STMN1: variants seen among roughly 807,000 people sequenced by gnomAD.
STMN1 encodes stathmin 1, also known as stathmin.
Under a neutral mutation model 19.7 loss-of-function variants are expected in STMN1, and 3 were observed. The observed-to-expected ratio is 0.15, with a 90% CI of 0.07 to 0.39. STMN1 has a LOEUF of 0.39. Ranked by LOEUF, STMN1 falls within the 10% of genes least tolerant of loss-of-function variation. The pLI is 1.00. For missense variants in STMN1, 99 were observed against 176.0 expected (o/e 0.56, Z 2.48); for synonymous variants, 59 against 58.9 (o/e 1.00, Z -0.01).
chr1:25,891,513 G>T (rs2048775579), intron 4 of STMN1, among the ~76,000 whole-genome samples: 1 of 152,156 alleles, frequency 6.6e-6, no homozygotes, highest in Admixed American at 6.5e-5. Flanking sequence ...AGTCAGATAT[G>T]CTGGGAGTTT....
chr1:25,899,545 TAAGTA>T (rs1410786574), downstream of STMN1, among the ~76,000 whole-genome samples: 4 of 152,240 alleles, frequency 2.6e-5, no homozygotes, highest in Admixed American at 2.6e-4. Flanking sequence ...ATTGATCATT[TAAGTA>T]AATTTAAAAG....
chr1:25,888,814 T>A (rs1395585108), intron 4 of STMN1, among the ~76,000 whole-genome samples: 1 of 152,154 alleles, frequency 6.6e-6, no homozygotes, highest in Non-Finnish European at 1.5e-5. Context: ...CTGCTGTACT[T>A]CTAGGTATCA....
intron 4 of STMN1, among the ~76,000 whole-genome samples, chr1:25,894,636 C>T (rs987721239): frequency 1.2e-4 from 18 of 152,146 alleles, no homozygotes; most frequent in African/African-American, 4.3e-4. Context: ...GCTGTGTTTG[C>T]ACCACTGCAC....
At chr1:25,890,643 C>T (rs914712938) in intron 4 of STMN1, among the ~76,000 whole-genome samples, 12 of 152,188 alleles carry the variant, frequency 7.9e-5, no homozygotes, top group Non-Finnish European at 1.6e-4. Context: ...CTCGGGGCTG[C>T]TCTCTGGCCA....
chr1:25,893,296 G>A (rs964761622), intron 4 of STMN1, among the ~76,000 whole-genome samples: 2 of 152,168 alleles, frequency 1.3e-5, no homozygotes, highest in Non-Finnish European at 2.9e-5. Context: ...TATGCTGGCA[G>A]CAATCCCCGA....
At chr1:25,887,439 G>T in intron 4 of STMN1, 1 of 379,924 alleles carries the variant, frequency 2.6e-6, no homozygotes, top group Non-Finnish European at 5.2e-6. Context: ...AGTGGGGAAT[G>T]GAGTACAAGG....
chr1:25,895,252 G>T (rs995074827), downstream of STMN1, among the ~76,000 whole-genome samples: 1 of 151,892 alleles, frequency 6.6e-6, no homozygotes, highest in Non-Finnish European at 1.5e-5. Context: ...ACAGGCACCC[G>T]CCACCACGCC....
chr1:25,899,390 C>T (rs896424158), downstream of STMN1, among the ~76,000 whole-genome samples: 1 of 152,186 alleles, frequency 6.6e-6, no homozygotes, highest in Non-Finnish European at 1.5e-5. Flanking sequence ...AACTGTGCTG[C>T]ACCACTGCAC....
Position 25,900,788 on chromosome 1 carries a change from A to G in STMN1, c.*228T>C. The G allele has an allele frequency of 7.5e-7, 1 of 1,340,464 alleles. No individual in the cohort carries two copies. The highest frequency in any genetic ancestry group is 3.5e-5 in the Admixed American group (1 of 28,650). The allele number at this position is 1,340,464 out of a possible 1,614,324, so 83.0% of individuals were successfully genotyped here. A position where few individuals can be genotyped will look rare whatever the true frequency, so the allele number is the denominator to read the frequency against. On this transcript the variant is annotated 3_prime_UTR_variant, in exon 5 of 5. Transcript: ENST00000455785. ...AAGTAGAAAAGATGCAACAAGAAAAATAGCTACATTAGAAAGACCAACACT... is the reference window on the plus strand; with the variant it reads ...AAGTAGAAAAGATGCAACAAGAAAAGTAGCTACATTAGAAAGACCAACACT...
downstream of STMN1, among the ~76,000 whole-genome samples, chr1:25,899,738 T>C (rs183176366): frequency 1.3e-5 from 2 of 152,114 alleles, no homozygotes; most frequent in East Asian, 1.9e-4. Flanking sequence ...AGGAGGTAAG[T>C]TGAGGTAGGC....
At chr1:25,891,783 C>A (rs2048778207) in intron 4 of STMN1, among the ~76,000 whole-genome samples, 1 of 152,118 alleles carries the variant, frequency 6.6e-6, no homozygotes, top group African/African-American at 2.4e-5. Context: ...GATCTGCCTT[C>A]ATCTGCACCC....
At chr1:25,891,204 G>C (rs911290186) in intron 4 of STMN1, among the ~76,000 whole-genome samples, 1 of 151,870 alleles carries the variant, frequency 6.6e-6, no homozygotes, top group African/African-American at 2.4e-5. Flanking sequence ...ATGGTGGCAG[G>C]CACCTGTAAT....
downstream of STMN1, among the ~76,000 whole-genome samples, chr1:25,897,461 A>G (rs1030753101): frequency 6.6e-6 from 1 of 152,198 alleles, no homozygotes; most frequent in Non-Finnish European, 1.5e-5. Flanking sequence ...CAGCTAAAAC[A>G]TCACTGAAAA....
chr1:25,887,491 C>G, intron 4 of STMN1: 1 of 351,034 alleles, frequency 2.8e-6, no homozygotes, highest in Non-Finnish European at 5.6e-6. Flanking sequence ...ATGCAGCTTG[C>G]AAATAAGAGA....
intron 3 of STMN1, chr1:25,902,029 A>G (rs2048881284): frequency 6.2e-6 from 1 of 160,724 alleles, no homozygotes; most frequent in Non-Finnish European, 1.3e-5. Flanking sequence ...TATTCAGCAT[A>G]AGTTAAAATT....
In STMN1 at chr1:25,900,994, GAA is replaced by G. The variant is rs1390153633; in HGVS notation, c.*20_*21del. The G allele has an allele frequency of 1.4e-5, 22 of 1,612,246 alleles. 1 individual carries two copies. The Admixed American group carries it at 3.7e-4, about 27-fold the overall frequency. On this transcript the variant is annotated 3_prime_UTR_variant, in exon 5 of 5. Transcript: ENST00000455785. ...TGGATATTTAGGAAGGGGATGGGGA[GAA>G]AGTCAGTTCTCAGAACAAATTAGTC...
rs2048875134 is a variant in STMN1, at chr1:25,901,599, G to C, written c.270C>G (p.Asn90Lys). 1 of 1,613,914 alleles carries C rather than the reference G, an allele frequency of 6.2e-7. No homozygotes were observed. The highest frequency in any genetic ancestry group is 8.5e-7 in the Non-Finnish European group (1 of 1,179,934). ...KEVLQKAIEE[N>K]NNFSKMAEEK... is the part of the protein sequence containing the mutation. ...CTTCTGCCATTTTACTGAAGTTGTT[G>C]TTCTCTTCTATTGCCTTCTGAAGCA... is the stretch of plus-strand genomic sequence containing the variant. Residue 90 changes from asparagine (N) to lysine (K), a missense_variant, in exon 4 of 5, where the codon AAC (asparagine) becomes AAG (lysine). Physicochemically the swap from Asn to Lys is moderately conservative, Grantham distance 94 (BLOSUM62 0). Around this residue, in one of 3 missense-constraint regions of STMN1, gnomAD observed 54 missense variants for 79.4 expected, o/e 0.68. Coordinates refer to ENST00000455785, the MANE Select transcript of STMN1 (RefSeq NM_005563.4).
downstream of STMN1, among the ~76,000 whole-genome samples, chr1:25,896,733 C>T (rs1044868564): frequency 2.0e-5 from 3 of 152,220 alleles, no homozygotes; most frequent in Non-Finnish European, 2.9e-5. Context: ...AAACCCTTTC[C>T]TACGCCCTTA....
intron 4 of STMN1, 22 bp downstream of exon 4, chr1:25,901,468 CT>C: frequency 6.3e-7 from 1 of 1,590,644 alleles, no homozygotes; most frequent in Non-Finnish European, 8.5e-7. Flanking sequence ...AAGCTCAACC[CT>C]TTTACAAAGT....
Sources: allele counts gnomAD v4.1 joint callset (sites outside exome capture counted in the v4.1 genomes callset), GRCh38; gene constraint gnomAD v4.1.1; regional missense constraint gnomAD v4.1.1; transcripts MANE v1.5; gene names NCBI Gene and HGNC (gene_info 2026-07-23, HGNC 2026-07-21).